The following SLC35F3 variants were observed in gnomAD, a reference collection of about 807,000 sequenced individuals.
SLC35F3 encodes putative thiamine transporter SLC35F3.
A neutral mutation model predicts 49.9 loss-of-function variants in SLC35F3; 25 were observed. The ratio of observed to expected loss-of-function variants is 0.50; its 90% CI spans 0.37 to 0.70. The LOEUF (loss-of-function observed/expected upper bound fraction) is 0.70. Ranked by LOEUF, SLC35F3 falls within the 30% of genes least tolerant of loss-of-function variation. The probability of loss-of-function intolerance (pLI) is 0.00; values close to 1 mark genes in which losing one functional copy is unlikely to be tolerated. For synonymous variants in SLC35F3, 275 were observed against 265.4 expected (o/e 1.04, Z -0.35); for missense variants, 525 against 639.8 (o/e 0.82, Z 1.94).
At chr1:234,303,938 G>A (rs922369300) in intron 3 of SLC35F3, among the ~76,000 whole-genome samples, 1 of 151,694 alleles carries the variant, frequency 6.6e-6, no homozygotes. Flanking sequence ...CATTTTTTCT[G>A]TTTGCTCCTT....
At chr1:233,996,281 T>C (rs923954349) in intron 2 of SLC35F3, among the ~76,000 whole-genome samples, 11 of 152,140 alleles carry the variant, frequency 7.2e-5, no homozygotes, top group African/African-American at 2.2e-4. Flanking sequence ...TTATAAGTAA[T>C]CTAGAGATAA....
chr1:234,284,047 A>G (rs567061571), intron 3 of SLC35F3, among the ~76,000 whole-genome samples: 3 of 152,128 alleles, frequency 2.0e-5, no homozygotes, highest in Non-Finnish European at 4.4e-5. Context: ...CTGGGACTAC[A>G]GGTGCACACC....
At chr1:234,190,145 A>G (rs1666709689) in intron 2 of SLC35F3, among the ~76,000 whole-genome samples, 1 of 152,230 alleles carries the variant, frequency 6.6e-6, no homozygotes, top group Admixed American at 6.5e-5. Context: ...GATCTATACA[A>G]CAAAAACACA....
intron 2 of SLC35F3, among the ~76,000 whole-genome samples, chr1:233,998,276 A>G (rs1164387237): frequency 6.6e-6 from 1 of 151,988 alleles, no homozygotes; most frequent in Non-Finnish European, 1.5e-5. Context: ...TCTCATTGTT[A>G]TATGCATTGG....
chr1:234,184,613 G>A (rs986409658), intron 2 of SLC35F3, among the ~76,000 whole-genome samples: 51 of 152,210 alleles, frequency 3.4e-4, no homozygotes, highest in African/African-American at 1.2e-3. Context: ...GCAGGCCAGA[G>A]CAGGTGGGAG....
intron 2 of SLC35F3, among the ~76,000 whole-genome samples, chr1:234,007,395 C>A (rs1663645803): frequency 6.6e-6 from 1 of 152,106 alleles, no homozygotes; most frequent in African/African-American, 2.4e-5. Flanking sequence ...AGAGGGAACA[C>A]CCAGGGCCAA....
intron 3 of SLC35F3, among the ~76,000 whole-genome samples, chr1:234,236,874 C>T (rs1667478175): frequency 6.9e-6 from 1 of 145,944 alleles, no homozygotes. Context: ...TTGTTCTTGA[C>T]CCTAAGGAAC....
At chr1:234,058,786 T>C (rs1370434908) in intron 2 of SLC35F3, among the ~76,000 whole-genome samples, 1 of 151,964 alleles carries the variant, frequency 6.6e-6, no homozygotes, top group African/African-American at 2.4e-5. Flanking sequence ...ATTTGAGAAG[T>C]GTTCCTCATT....
rs74145754 is a variant in SLC35F3 at position 233,981,326 on chromosome 1, G to A, written c.283+75568G>A. ...AGTCACGCTTACTCCTTTTTCTGCC[G>A]CCTCTAACCCTACACAATCACTAAT... On this transcript the variant is annotated intron_variant, in intron 2 of 7. Coordinates refer to ENST00000366618, the MANE Select transcript of SLC35F3 (RefSeq NM_173508.4). 8.9e-3 allele frequency among the ~76,000 whole-genome samples: 1,357 copies of A among 152,138 alleles called. 12 individuals are homozygous for A. The highest frequency in any genetic ancestry group is 0.024 in the Middle Eastern group (7 of 292).
At chr1:234,052,850 T>C (rs895597402) in intron 2 of SLC35F3, among the ~76,000 whole-genome samples, 5 of 152,228 alleles carry the variant, frequency 3.3e-5, no homozygotes, top group African/African-American at 1.2e-4. Context: ...TTTGTTCTCA[T>C]TGGTTTCAAA....
chr1:234,125,008 C>A (rs1665626558), intron 2 of SLC35F3, among the ~76,000 whole-genome samples: 1 of 152,180 alleles, frequency 6.6e-6, no homozygotes, highest in South Asian at 2.1e-4. Flanking sequence ...TTCAAGGTGG[C>A]AGTGCCTTGT....
chr1:234,145,714 A>T (rs932868475), intron 2 of SLC35F3, among the ~76,000 whole-genome samples: 1 of 152,134 alleles, frequency 6.6e-6, no homozygotes, highest in Non-Finnish European at 1.5e-5. Flanking sequence ...TATACAGAAG[A>T]TATGCATGGG....
intron 2 of SLC35F3, among the ~76,000 whole-genome samples, chr1:234,021,377 C>T (rs1044678554): frequency 1.3e-5 from 2 of 152,166 alleles, no homozygotes; most frequent in Non-Finnish European, 2.9e-5. Flanking sequence ...AACCCGAAGA[C>T]CCCAATCAAT....
chr1:234,117,524 G>A (rs1029718652), intron 2 of SLC35F3, among the ~76,000 whole-genome samples: 7 of 151,826 alleles, frequency 4.6e-5, no homozygotes, highest in Non-Finnish European at 7.4e-5. Context: ...CCTGGGAGAT[G>A]GAGGTTGCAG....
chr1:234,250,143 A>C (rs1441550092), intron 3 of SLC35F3, among the ~76,000 whole-genome samples: 1 of 152,254 alleles, frequency 6.6e-6, no homozygotes, highest in Non-Finnish European at 1.5e-5. Flanking sequence ...TTTTGAAGAT[A>C]CTATTTATTC....
intron 2 of SLC35F3, among the ~76,000 whole-genome samples, chr1:234,140,002 A>AATAAATAAAATAAAATAAAAAT: frequency 9.5e-6 from 1 of 105,366 alleles, no homozygotes; most frequent in Non-Finnish European, 2.4e-5. Context: ...AATAAAATAA[A>AATAAATAAAATAAAATAAAAAT]GTAAGTGACT....
intron 3 of SLC35F3, among the ~76,000 whole-genome samples, chr1:234,241,648 T>G (rs1245242657): frequency 6.6e-6 from 1 of 151,170 alleles, no homozygotes; most frequent in Non-Finnish European, 1.5e-5. Context: ...GGCAGGAGAA[T>G]TGCTTGAATC....
At chr1:234,036,231 TTTTG>T (rs539369588) in intron 2 of SLC35F3, among the ~76,000 whole-genome samples, 35 of 151,998 alleles carry the variant, frequency 2.3e-4, no homozygotes, top group Non-Finnish European at 3.5e-4. Context: ...CCCAGCTAAT[TTTTG>T]TTTGTTTGTT....
intron 2 of SLC35F3, among the ~76,000 whole-genome samples, chr1:234,197,493 C>T (rs1261122341): frequency 6.6e-6 from 1 of 152,222 alleles, no homozygotes; most frequent in Non-Finnish European, 1.5e-5. Flanking sequence ...GTGCCTGGTA[C>T]ATAGTGAGTG....
Sources: gnomAD v4.1 joint callset for allele counts (sites outside exome capture counted in the v4.1 genomes callset) on GRCh38, gnomAD v4.1.1 for gene constraint, MANE v1.5 for transcripts, NCBI Gene and HGNC (gene_info 2026-07-23, HGNC 2026-07-21) for gene names.